Variants in GOLIM4 observed in about 807,000 individuals in gnomAD.
The protein encoded by GOLIM4 is 130 kDa golgi-localized phosphoprotein.
In GOLIM4, 71 loss-of-function variants were observed where a neutral mutation model predicts 107.4. That is an observed-to-expected ratio of 0.66 (90% CI 0.55 to 0.81). The LOEUF (loss-of-function observed/expected upper bound fraction) is 0.81, where lower values mean the gene tolerates loss of function less well. Ranked by LOEUF, GOLIM4 falls within the 30% of genes least tolerant of loss-of-function variation. The pLI is 0.00. For synonymous variants in GOLIM4, 327 were observed against 294.8 expected, an observed-to-expected ratio of 1.11 and a Z score of -1.12; for missense variants, 830 against 826.1, an observed-to-expected ratio of 1.00 and a Z score of -0.06.
intron 3 of GOLIM4, among the ~76,000 whole-genome samples, chr3:168,045,763 TC>T: frequency 6.6e-6 from 1 of 152,344 alleles, no homozygotes; most frequent in South Asian, 2.1e-4. Flanking sequence ...TTTTGCTTCC[TC>T]ACTTTACTGC....
At chr3:168,054,065 C>T (rs1017484660) in intron 1 of GOLIM4, among the ~76,000 whole-genome samples, 4 of 152,194 alleles carry the variant, frequency 2.6e-5, no homozygotes, top group African/African-American at 9.7e-5. Context: ...CATCCATCTT[C>T]AAAATTTAAC....
chr3:168,053,881 A>G (rs1264657458), intron 1 of GOLIM4, among the ~76,000 whole-genome samples: 1 of 152,198 alleles, frequency 6.6e-6, no homozygotes, highest in Non-Finnish European at 1.5e-5. Context: ...TCTCCTAGAA[A>G]ACAACCCCCA....
At chr3:168,022,050 C>A (rs1201005833) in intron 14 of GOLIM4, among the ~76,000 whole-genome samples, 1 of 152,132 alleles carries the variant, frequency 6.6e-6, no homozygotes, top group Non-Finnish European at 1.5e-5. Context: ...GCTTGTAAGT[C>A]TTAGAAAGAT....
At chr3:168,048,065 T>G (rs1209031292) in intron 2 of GOLIM4, among the ~76,000 whole-genome samples, 1 of 152,044 alleles carries the variant, frequency 6.6e-6, no homozygotes, top group East Asian at 1.9e-4. Flanking sequence ...ATATATGAGC[T>G]ATCACAAGGT....
intron 11 of GOLIM4, 97 bp downstream of exon 11, chr3:168,029,126 T>C: frequency 1.3e-6 from 1 of 777,914 alleles, no homozygotes; most frequent in Non-Finnish European, 2.2e-6. Context: ...TAGGTATGCA[T>C]ACAGCTCATT....
chr3:168,039,263 AAT>A (rs1491439279), intron 7 of GOLIM4, among the ~76,000 whole-genome samples: 216 of 145,032 alleles, frequency 1.5e-3, no homozygotes, highest in African/African-American at 5.3e-3. Flanking sequence ...AGAAAAAAAA[AAT>A]TTTTTTTTTT....
At chr3:168,011,462 G>T (rs574366890) in intron 14 of GOLIM4, among the ~76,000 whole-genome samples, 2 of 151,956 alleles carry the variant, frequency 1.3e-5, no homozygotes, top group Admixed American at 6.5e-5. Context: ...CAGCAAGGCT[G>T]GGGGAGGGGC....
intron 12 of GOLIM4, among the ~76,000 whole-genome samples, chr3:168,026,180 A>G (rs186669633): frequency 2.6e-5 from 4 of 152,296 alleles, no homozygotes; most frequent in Admixed American, 6.5e-5. Context: ...TCCAGTGCAA[A>G]TGACACTATT....
Position 168,024,988 on chromosome 3 carries a change from A to G in GOLIM4, c.1731T>C (p.Asn577=). The G allele has an allele frequency of 6.2e-7, 1 of 1,613,862 alleles. No homozygotes were observed. ...QVREENLPDE[N]EEQKQSNQKQ... ...TTTGATTACTTTGTTTTTGCTCTTC[A>G]TTTTCATCTGGCAAATTTTCTTCTC... Residue 577 remains asparagine (N), a synonymous_variant, in exon 13 of 16, where the codon AAT becomes AAC. Coordinates refer to ENST00000470487, the MANE Select transcript of GOLIM4 (RefSeq NM_014498.5).
chr3:168,036,513 G>GC (rs1718662283), intron 8 of GOLIM4, among the ~76,000 whole-genome samples: 1 of 152,136 alleles, frequency 6.6e-6, no homozygotes, highest in Non-Finnish European at 1.5e-5. Flanking sequence ...CTGCACTCCA[G>GC]CCTGGACGAC....
intron 1 of GOLIM4, among the ~76,000 whole-genome samples, chr3:168,067,513 TA>T (rs201207512): frequency 1.6e-3 from 218 of 135,546 alleles, no homozygotes; most frequent in Non-Finnish European, 1.7e-3. Flanking sequence ...TGCCTTTAAT[TA>T]AAAAAAAAAA....
At chr3:168,017,506 T>C (rs1717437744) in intron 14 of GOLIM4, among the ~76,000 whole-genome samples, 1 of 152,066 alleles carries the variant, frequency 6.6e-6, no homozygotes, top group Non-Finnish European at 1.5e-5. Context: ...AATAAAATAA[T>C]AAAATTAAAA....
intron 1 of GOLIM4, among the ~76,000 whole-genome samples, chr3:168,069,681 A>T (rs893422922): frequency 6.6e-6 from 1 of 152,184 alleles, no homozygotes; most frequent in African/African-American, 2.4e-5. Flanking sequence ...TGCTGCTTTG[A>T]TGTTCTGTCT....
At chr3:168,011,443 G>T (rs1346786290) in intron 14 of GOLIM4, among the ~76,000 whole-genome samples, 2 of 152,028 alleles carry the variant, frequency 1.3e-5, no homozygotes, top group Admixed American at 6.5e-5. Flanking sequence ...AGATCAAACT[G>T]CAAGGCGGCA....
chr3:168,033,915 G>A (rs1371042338), intron 8 of GOLIM4, among the ~76,000 whole-genome samples: 1 of 152,058 alleles, frequency 6.6e-6, no homozygotes, highest in Non-Finnish European at 1.5e-5. Context: ...TAGAAAGTGA[G>A]GAAGAAAGAG....
rs756705321 is a variant in GOLIM4, at chr3:168,029,817, G to A, written c.1396C>T (p.Leu466Phe). 1 of 1,614,030 alleles carries A rather than the reference G, an allele frequency of 6.2e-7. No individual in the cohort carries two copies. The highest frequency in any genetic ancestry group is 1.7e-5 in the Admixed American group (1 of 60,032). Residue 466 changes from leucine (L) to phenylalanine (F), a missense_variant, in exon 10 of 16, where the codon CTT becomes TTT. Coordinates refer to ENST00000470487, the MANE Select transcript of GOLIM4 (RefSeq NM_014498.5). The part of the protein sequence containing the change: ...REMALQRQAE[L>F]EEGRPQHQEQ... ...TGGTGCTGCGGCCGGCCCTCCTCAA[G>A]CTCAGCCTGCCTCTGCAGGGCCATC...
intron 14 of GOLIM4, among the ~76,000 whole-genome samples, chr3:168,011,682 C>T (rs893909497): frequency 3.4e-5 from 5 of 148,266 alleles, no homozygotes; most frequent in East Asian, 1.9e-4. Flanking sequence ...TCTCCCAGCA[C>T]GCAGCTGGAG....
At chr3:168,037,117 A>G in intron 7 of GOLIM4, 123 bp from the exon 8 acceptor site, 1 of 534,914 alleles carries the variant, frequency 1.9e-6, no homozygotes, top group South Asian at 2.6e-5. Context: ...AAAAACATAC[A>G]GATTGTTTCC....
intron 14 of GOLIM4, among the ~76,000 whole-genome samples, chr3:168,022,344 A>AC (rs1413219212): frequency 1.3e-5 from 2 of 152,090 alleles, no homozygotes; most frequent in South Asian, 4.1e-4. Flanking sequence ...AAAAAAAAAA[A>AC]AACAACAACA....
Sources: gnomAD v4.1 joint callset for allele counts (sites outside exome capture counted in the v4.1 genomes callset) on GRCh38, gnomAD v4.1.1 for gene constraint, MANE v1.5 for transcripts, NCBI Gene and HGNC (gene_info 2026-07-23, HGNC 2026-07-21) for gene names.